PLPP3: variants seen among roughly 807,000 people sequenced by gnomAD.
PLPP3 encodes the protein PAP2 beta.
A neutral mutation model predicts 29.6 loss-of-function variants in PLPP3; 6 were observed. The observed-to-expected ratio is 0.20, with a 90% CI of 0.11 to 0.40. PLPP3 has a LOEUF of 0.40. Among genes scored for constraint, PLPP3 ranks in the 10% least tolerant of loss-of-function variants. The pLI is 1.00. For synonymous variants in PLPP3, 152 were observed against 159.7 expected (o/e 0.95, Z 0.36); for missense variants, 308 against 407.7 (o/e 0.76, Z 2.11).
chr1:56,558,716 G>C (rs1569596943), intron 1 of PLPP3, among the ~76,000 whole-genome samples: 1 of 152,184 alleles, frequency 6.6e-6, no homozygotes, highest in Non-Finnish European at 1.5e-5. Flanking sequence ...CAGGTTATAA[G>C]CTACCAAGTG....
chr1:56,511,758 A>T (rs1645742467), intron 5 of PLPP3, among the ~76,000 whole-genome samples: 3 of 151,852 alleles, frequency 2.0e-5, no homozygotes, highest in African/African-American at 7.3e-5. Flanking sequence ...AGATTTACAG[A>T]CCCTATCAGA....
chr1:56,506,213 T>C (rs938441682), intron 5 of PLPP3, among the ~76,000 whole-genome samples: 33 of 152,364 alleles, frequency 2.2e-4, no homozygotes, highest in African/African-American at 7.9e-4. Flanking sequence ...TGGAATTTAC[T>C]GTTTAGCCCT....
chr1:56,572,934 A>G (rs1421113794), intron 1 of PLPP3, among the ~76,000 whole-genome samples: 2 of 152,146 alleles, frequency 1.3e-5, no homozygotes, highest in African/African-American at 2.4e-5. Flanking sequence ...AGGTTAAATA[A>G]TTTTTGCCCA....
chr1:56,521,745 TTTTCTCTTCCTTCCCTC>T (rs1466851632), intron 4 of PLPP3, among the ~76,000 whole-genome samples: 1 of 152,140 alleles, frequency 6.6e-6, no homozygotes, highest in African/African-American at 2.4e-5. Context: ...CCTCTCTCCC[TTTTCTCTTCCTTCCCTC>T]TTTCTCTTCC....
intron 5 of PLPP3, among the ~76,000 whole-genome samples, chr1:56,510,210 C>G (rs1645731012): frequency 6.6e-6 from 1 of 152,202 alleles, no homozygotes; most frequent in Admixed American, 6.5e-5. Flanking sequence ...CAGAAGGGCA[C>G]AGTCAGCAAA....
At chr1:56,556,587 C>A (rs972152603) in intron 1 of PLPP3, among the ~76,000 whole-genome samples, 2 of 151,870 alleles carry the variant, frequency 1.3e-5, no homozygotes, top group Non-Finnish European at 2.9e-5. Flanking sequence ...AATTAATTTA[C>A]CTTTAGAAAA....
chr1:56,556,748 A>G (rs1004191176), intron 1 of PLPP3, among the ~76,000 whole-genome samples: 3 of 151,302 alleles, frequency 2.0e-5, no homozygotes, highest in Non-Finnish European at 4.4e-5. Flanking sequence ...ATGTAGTGTG[A>G]AGTATTTATC....
intron 1 of PLPP3, among the ~76,000 whole-genome samples, chr1:56,551,295 G>T (rs1211483370): frequency 6.7e-6 from 1 of 148,604 alleles, no homozygotes; most frequent in Non-Finnish European, 1.5e-5. Flanking sequence ...GGTTTGGTTC[G>T]GTTCGGTTCG....
chr1:56,539,333 C>A (rs1373371418), intron 1 of PLPP3, among the ~76,000 whole-genome samples: 1 of 152,136 alleles, frequency 6.6e-6, no homozygotes, highest in Non-Finnish European at 1.5e-5. Flanking sequence ...CCATGAACTC[C>A]ACAATTTTTC....
intron 4 of PLPP3, among the ~76,000 whole-genome samples, chr1:56,518,020 T>A (rs1018972726): frequency 6.6e-6 from 1 of 152,130 alleles, no homozygotes; most frequent in African/African-American, 2.4e-5. Flanking sequence ...TGGCCACTAT[T>A]TACTTCTCTG....
rs1422697243 is a variant in PLPP3, at chr1:56,579,366, C to G, written c.-350G>C. On this transcript the variant is annotated 5_prime_UTR_variant, in exon 1 of 6. Transcript: ENST00000371250. ...AGTGCGCGAGCGAGCGAGTGGGCAGCGCGGGCGCTCGGCCACCTTCCTCCG... is the reference window on the plus strand; with the variant it reads ...AGTGCGCGAGCGAGCGAGTGGGCAGGGCGGGCGCTCGGCCACCTTCCTCCG... The G allele has an allele frequency of 3.7e-6, 1 of 270,118 alleles. No homozygotes were observed. Among genetic ancestry groups the G allele is most frequent in the Non-Finnish European group, 7.0e-6 (1 of 142,652 alleles). 16.7% of individuals were successfully genotyped at this position (270,118 alleles called of 1,614,324 possible).
chr1:56,504,315 TG>T (rs756707794), intron 5 of PLPP3, among the ~76,000 whole-genome samples: 19 of 152,096 alleles, frequency 1.2e-4, no homozygotes, highest in Non-Finnish European at 2.8e-4. Context: ...TAAAGAAAGT[TG>T]TGGGCAATAC....
chr1:56,547,795 A>G (rs1646015766), intron 1 of PLPP3, among the ~76,000 whole-genome samples: 1 of 152,190 alleles, frequency 6.6e-6, no homozygotes, highest in Non-Finnish European at 1.5e-5. Context: ...GCTCCAAGTA[A>G]GAGGAAGAGC....
chr1:56,517,689 G>A (rs1025020049), intron 4 of PLPP3, among the ~76,000 whole-genome samples: 14 of 152,198 alleles, frequency 9.2e-5, no homozygotes, highest in African/African-American at 2.9e-4. Context: ...GGGAATTACT[G>A]CTTCACATAA....
intron 2 of PLPP3, among the ~76,000 whole-genome samples, chr1:56,525,503 A>G (rs1645847156): frequency 6.6e-6 from 1 of 152,176 alleles, no homozygotes; most frequent in Non-Finnish European, 1.5e-5. Flanking sequence ...TATATTCTTT[A>G]TGTCACGAAA....
intron 5 of PLPP3, among the ~76,000 whole-genome samples, chr1:56,510,019 CTCTG>C (rs886105004): frequency 2.8e-4 from 42 of 152,168 alleles, no homozygotes; most frequent in African/African-American, 9.4e-4. Flanking sequence ...CTCCCGAACG[CTCTG>C]TCTAATTGCT....
At chr1:56,574,515 A>G (rs938947713) in intron 1 of PLPP3, among the ~76,000 whole-genome samples, 1 of 152,170 alleles carries the variant, frequency 6.6e-6, no homozygotes, top group Admixed American at 6.5e-5. Flanking sequence ...TCTGCCTCCC[A>G]AAGTGCTGGG....
chr1:56,509,671 C>T (rs1374048731), intron 5 of PLPP3, among the ~76,000 whole-genome samples: 2 of 151,936 alleles, frequency 1.3e-5, no homozygotes, highest in Non-Finnish European at 2.9e-5. Flanking sequence ...GAAACCCCAT[C>T]TCTACAGAAA....
chr1:56,556,950 G>T (rs1449574091), intron 1 of PLPP3, among the ~76,000 whole-genome samples: 1 of 83,904 alleles, frequency 1.2e-5, no homozygotes, highest in African/African-American at 4.8e-5. Flanking sequence ...GAGAGAGACA[G>T]AGAGAAAGAA....
Sources: allele counts gnomAD v4.1 joint callset (sites outside exome capture counted in the v4.1 genomes callset), GRCh38; gene constraint gnomAD v4.1.1; transcripts MANE v1.5; gene names NCBI Gene and HGNC (gene_info 2026-07-23, HGNC 2026-07-21).